UBE3C: variants seen among roughly 807,000 people sequenced by gnomAD.
The protein encoded by UBE3C is ubiquitin-protein ligase E3C.
A neutral mutation model predicts 129.4 loss-of-function variants in UBE3C; 42 were observed. That is an observed-to-expected ratio of 0.32 (90% confidence interval 0.25 to 0.42). The LOEUF is 0.42. UBE3C is among the 10% of genes least tolerant of loss of function. The pLI is 1.00. For synonymous variants in UBE3C, 510 were observed against 492.4 expected, an observed-to-expected ratio of 1.04 and a Z score of -0.47; for missense variants, 1,049 against 1,319.1, an observed-to-expected ratio of 0.80 and a Z score of 3.17.
chr7:157,166,017 G>C (rs186199971), intron 2 of UBE3C, among the ~76,000 whole-genome samples: 1 of 152,184 alleles, frequency 6.6e-6, no homozygotes, highest in Non-Finnish European at 1.5e-5. Flanking sequence ...TGAGTCTGCT[G>C]TATGTAGGTG....
chr7:157,143,731 C>G (rs897245767), intron 1 of UBE3C, among the ~76,000 whole-genome samples: 1 of 152,010 alleles, frequency 6.6e-6, no homozygotes, highest in Non-Finnish European at 1.5e-5. Flanking sequence ...GGGGAGTGGT[C>G]GTTGACTGAA....
chr7:157,178,991 G>C, intron 6 of UBE3C, 144 bp downstream of exon 6: 1 of 977,340 alleles, frequency 1.0e-6, no homozygotes, highest in Non-Finnish European at 1.4e-6. Context: ...CCATCCACAG[G>C]TGCCCACCAG....
chr7:157,228,124 A>T (rs763276134), intron 17 of UBE3C, among the ~76,000 whole-genome samples: 9 of 152,250 alleles, frequency 5.9e-5, no homozygotes, highest in Admixed American at 1.3e-4. Context: ...ATTGAAGTGA[A>T]TCCATGCTTT....
At chr7:157,160,252 T>C (rs1049497841) in intron 1 of UBE3C, among the ~76,000 whole-genome samples, 26 of 152,080 alleles carry the variant, frequency 1.7e-4, no homozygotes, top group African/African-American at 4.8e-4. Context: ...TTTTTGTATT[T>C]TTAGTAGAGA....
chr7:157,213,606 G>C lies in UBE3C; in HGVS notation c.1810-3261G>C, dbSNP rs375090854. 2.0e-5 allele frequency among the ~76,000 whole-genome samples: 3 copies of C among 152,268 alleles called. No homozygotes were observed. The East Asian group carries it at 5.8e-4, about 29-fold the overall frequency. ...AGTTTGTGATTCTGAAAGTGAATGT[G>C]GAAAAAAGGAATGTGTTAAGGTGTT... On this transcript the variant is annotated intron_variant, in intron 13 of 22. Coordinates refer to ENST00000348165, the MANE Select transcript of UBE3C (RefSeq NM_014671.3).
chr7:157,188,739 C>G (rs1056039610), intron 10 of UBE3C, among the ~76,000 whole-genome samples: 16 of 151,420 alleles, frequency 1.1e-4, no homozygotes, highest in Admixed American at 8.7e-4. Flanking sequence ...ATATTAGGTT[C>G]TAGTATTTAG....
At chr7:157,224,223 T>C (rs1431702477) in intron 16 of UBE3C, among the ~76,000 whole-genome samples, 1 of 151,758 alleles carries the variant, frequency 6.6e-6, no homozygotes, top group Non-Finnish European at 1.5e-5. Flanking sequence ...TGAGATGGAG[T>C]GTCCTCTGTC....
intron 18 of UBE3C, among the ~76,000 whole-genome samples, chr7:157,248,147 G>C (rs555243013): frequency 2.0e-5 from 3 of 152,336 alleles, no homozygotes; most frequent in African/African-American, 7.2e-5. Context: ...TAGGTGGTCT[G>C]TTCCAGAGTT....
chr7:157,253,620 G>A (rs1796673024), intron 19 of UBE3C, among the ~76,000 whole-genome samples: 1 of 150,090 alleles, frequency 6.7e-6, no homozygotes, highest in South Asian at 2.3e-4. Flanking sequence ...AACGGTGATT[G>A]TTTGCTTCAT....
intron 10 of UBE3C, among the ~76,000 whole-genome samples, chr7:157,194,682 A>G (rs1461282377): frequency 4.6e-5 from 7 of 152,358 alleles, no homozygotes; most frequent in South Asian, 4.1e-4. Context: ...GCGGTAAAAT[A>G]TCTAAATCAT....
intron 9 of UBE3C, among the ~76,000 whole-genome samples, chr7:157,186,133 T>G (rs1808798535): frequency 6.6e-6 from 1 of 152,080 alleles, no homozygotes; most frequent in Non-Finnish European, 1.5e-5. Flanking sequence ...TTTAAAAAAT[T>G]CGTTAATAGG....
chr7:157,248,074 G>A (rs1054590599), intron 18 of UBE3C, among the ~76,000 whole-genome samples: 1 of 152,156 alleles, frequency 6.6e-6, no homozygotes, highest in Non-Finnish European at 1.5e-5. Flanking sequence ...TTGAGGAGGA[G>A]CATTTGTTGG....
intron 18 of UBE3C, among the ~76,000 whole-genome samples, chr7:157,246,184 G>A (rs989708792): frequency 2.0e-5 from 3 of 152,070 alleles, no homozygotes; most frequent in Non-Finnish European, 4.4e-5. Flanking sequence ...CCCTGTTGGA[G>A]TGTATAAGTT....
chr7:157,268,540 G>C lies in UBE3C; in HGVS notation c.*785G>C, dbSNP rs1164771536. ...TCACCCACTATACCCAGTTACTTGG[G>C]GGAGGACAGACACTGTGGTGTCATT... On this transcript the variant is annotated 3_prime_UTR_variant, in exon 23 of 23. Transcript: ENST00000348165. The C allele has an allele frequency of 6.6e-6, 1 of 152,586 alleles. No homozygotes were observed. Among genetic ancestry groups the C allele is most frequent in the Non-Finnish European group, 1.5e-5 (1 of 68,028 alleles). 9.5% of individuals were successfully genotyped at this position (152,586 alleles called of 1,614,324 possible). A position where few individuals can be genotyped will look rare whatever the true frequency, so the allele number is the denominator to read the frequency against.
At position 157,181,557 on chromosome 7, in the gene UBE3C, T is replaced by C; in HGVS notation, c.656T>C (p.Leu219Pro). Residue 219 changes from leucine (L) to proline (P), a missense_variant, in exon 7 of 23, where the codon CTT (leucine) becomes CCT (proline). By Grantham distance (98) the Leu-to-Pro change is moderately conservative. Around this residue, in one of 4 missense-constraint regions of UBE3C, gnomAD observed 489 missense variants for 513.8 expected, o/e 0.95. Transcript: ENST00000348165. The part of the protein sequence containing the change: ...RSLYLLINSK[L>P]PSSIEYSDLS... The stretch of plus-strand genomic sequence containing the variant: ...CTATATTTGTTGATTAACAGCAAGC[T>C]TCCATCAAGTATTGAATATTCTGAT... The C allele has an allele frequency of 6.2e-7, 1 of 1,612,508 alleles. No homozygotes were observed. The highest frequency in any genetic ancestry group is 8.5e-7 in the Non-Finnish European group (1 of 1,179,602).
intron 22 of UBE3C, among the ~76,000 whole-genome samples, chr7:157,260,629 C>T (rs928794631): frequency 1.3e-5 from 2 of 152,152 alleles, no homozygotes; most frequent in Non-Finnish European, 2.9e-5. Context: ...ATAGACAAGG[C>T]TTCTAGTATC....
At position 157,156,449 on chromosome 7, in the gene UBE3C, G is replaced by T. The variant is rs148838274; in HGVS notation, c.67-7361G>T. ...AGCCTTTCAAGTAGCTGGGACTACA[G>T]GCGCATGTCACCACCCCCGGCTAAT... is the stretch of plus-strand genomic sequence containing the variant. On this transcript the variant is annotated intron_variant, in intron 1 of 22. Transcript: ENST00000348165. Among the ~76,000 whole-genome samples, 400 of 151,446 alleles carry T rather than the reference G, an allele frequency of 2.6e-3. 8 individuals are homozygous for T. Among genetic ancestry groups the T allele is most frequent in the African/African-American group, 8.9e-3 (366 of 41,212 alleles).
rs1377766486 is a variant in UBE3C, at chr7:157,167,917, C to T, written c.121-1131C>T. On this transcript the variant is annotated intron_variant, in intron 2 of 22. Coordinates refer to ENST00000348165, the MANE Select transcript of UBE3C (RefSeq NM_014671.3). ...CTGGTCATAACAATGATGAAGAACG[C>T]ATATTTTTGCCAGGTCGCTGAACAT... Among the ~76,000 whole-genome samples, 6 of 152,214 alleles carry T rather than the reference C, an allele frequency of 3.9e-5. No homozygotes were observed. In the East Asian group the frequency reaches 1.2e-3, roughly 29 times the overall value.
chr7:157,214,894 C>T (rs1809691987), intron 13 of UBE3C, among the ~76,000 whole-genome samples: 2 of 152,138 alleles, frequency 1.3e-5, no homozygotes, highest in Admixed American at 1.3e-4. Flanking sequence ...CCCCAGGCTG[C>T]CTAGGCTGCA....
Sources: gnomAD v4.1 joint callset for allele counts (sites outside exome capture counted in the v4.1 genomes callset) on GRCh38, gnomAD v4.1.1 for gene constraint, gnomAD v4.1.1 regional missense constraint, MANE v1.5 for transcripts, NCBI Gene and HGNC (gene_info 2026-07-23, HGNC 2026-07-21) for gene names.